The following LRRTM4 variants were observed in gnomAD, a reference collection of about 807,000 sequenced individuals.
LRRTM4 encodes leucine rich repeat transmembrane neuronal 4.
Under a neutral mutation model 47.6 loss-of-function variants are expected in LRRTM4, and 25 were observed. The ratio of observed to expected loss-of-function variants is 0.53; its 90% CI spans 0.38 to 0.73. The LOEUF is 0.73. Among genes scored for constraint, LRRTM4 ranks in the 30% least tolerant of loss-of-function variants. LRRTM4 has a pLI of 0.00. For synonymous variants in LRRTM4, 311 were observed against 269.5 expected (o/e 1.15, Z -1.51); for missense variants, 638 against 713.4 (o/e 0.89, Z 1.20).
intron 3 of LRRTM4, among the ~76,000 whole-genome samples, chr2:76,794,310 G>T (rs1462299266): frequency 6.6e-6 from 1 of 152,170 alleles, no homozygotes; most frequent in Non-Finnish European, 1.5e-5. Context: ...ATCTGCATTA[G>T]TATGAAAGGA....
intron 3 of LRRTM4, among the ~76,000 whole-genome samples, chr2:77,142,049 G>A (rs572325251): frequency 8.0e-4 from 122 of 152,302 alleles, no homozygotes; most frequent in Admixed American, 2.9e-3. Context: ...GTTACCAACA[G>A]ATTGCTTGTC....
At chr2:76,970,150 G>A (rs1676168523) in intron 3 of LRRTM4, among the ~76,000 whole-genome samples, 1 of 151,946 alleles carries the variant, frequency 6.6e-6, no homozygotes, top group Non-Finnish European at 1.5e-5. Flanking sequence ...TTCCTTCCAT[G>A]ATATGTAAAA....
intron 3 of LRRTM4, among the ~76,000 whole-genome samples, chr2:77,138,893 G>T (rs920529440): frequency 6.6e-6 from 1 of 152,074 alleles, no homozygotes; most frequent in Non-Finnish European, 1.5e-5. Context: ...TAAATTCCTG[G>T]ACACATATAT....
intron 3 of LRRTM4, among the ~76,000 whole-genome samples, chr2:77,030,585 A>G (rs1678618946): frequency 6.6e-6 from 1 of 152,198 alleles, no homozygotes; most frequent in East Asian, 1.9e-4. Context: ...AGAGGATGAA[A>G]AAGGAAAATA....
chr2:77,218,831 C>T (rs1573093687), intron 3 of LRRTM4, among the ~76,000 whole-genome samples: 2 of 152,158 alleles, frequency 1.3e-5, no homozygotes, highest in Non-Finnish European at 2.9e-5. Flanking sequence ...TAAATAAGTG[C>T]CAGACCCAGA....
At chr2:76,766,165 C>T (rs1005403679) in intron 3 of LRRTM4, among the ~76,000 whole-genome samples, 2 of 152,182 alleles carry the variant, frequency 1.3e-5, no homozygotes, top group African/African-American at 4.8e-5. Context: ...CATCTTCCTT[C>T]TTTCTCCATT....
intron 3 of LRRTM4, among the ~76,000 whole-genome samples, chr2:76,918,981 G>T (rs1674344216): frequency 6.6e-6 from 1 of 152,132 alleles, no homozygotes; most frequent in South Asian, 2.1e-4. Context: ...TGCAGCAAAA[G>T]GATATAGATT....
At chr2:76,841,505 A>C (rs1259030457) in intron 3 of LRRTM4, among the ~76,000 whole-genome samples, 1 of 152,066 alleles carries the variant, frequency 6.6e-6, no homozygotes, top group African/African-American at 2.4e-5. Flanking sequence ...TGTCTTTAAA[A>C]GTCCTTTGTT....
At chr2:76,807,655 G>C (rs908761063) in intron 3 of LRRTM4, among the ~76,000 whole-genome samples, 2 of 148,936 alleles carry the variant, frequency 1.3e-5, no homozygotes, top group African/African-American at 2.5e-5. Flanking sequence ...GCAACGGTGC[G>C]ATCTCAGCTC....
intron 3 of LRRTM4, among the ~76,000 whole-genome samples, chr2:76,866,136 C>G (rs1033782609): frequency 1.3e-5 from 2 of 152,186 alleles, no homozygotes; most frequent in East Asian, 1.9e-4. Context: ...TAGGATGATT[C>G]TCTTCCCACA....
At chr2:76,995,452 A>C (rs879633560) in intron 3 of LRRTM4, among the ~76,000 whole-genome samples, 22 of 152,000 alleles carry the variant, frequency 1.4e-4, no homozygotes, top group Non-Finnish European at 2.6e-4. Flanking sequence ...TCAGTGAACA[A>C]ATGTTGAACT....
chr2:77,125,351 A>T (rs903475268), intron 3 of LRRTM4, among the ~76,000 whole-genome samples: 1 of 152,198 alleles, frequency 6.6e-6, no homozygotes. Context: ...AAAGGTTTCC[A>T]TCACAGATAG....
At chr2:77,389,414 G>A (rs1049585466) in intron 3 of LRRTM4, among the ~76,000 whole-genome samples, 2 of 152,058 alleles carry the variant, frequency 1.3e-5, no homozygotes, top group African/African-American at 4.8e-5. Flanking sequence ...TTTGTGATAA[G>A]GTAGAACAGT....
intron 3 of LRRTM4, among the ~76,000 whole-genome samples, chr2:77,015,937 C>A (rs11889881): frequency 1.3e-5 from 2 of 151,416 alleles, no homozygotes; most frequent in Non-Finnish European, 2.9e-5. Flanking sequence ...GCCAACATAG[C>A]GAAACCCTGT....
chr2:76,891,295 T>C (rs1673246612), intron 3 of LRRTM4, among the ~76,000 whole-genome samples: 1 of 151,788 alleles, frequency 6.6e-6, no homozygotes, highest in South Asian at 2.1e-4. Flanking sequence ...AATCACCCGC[T>C]CCTCCTAAAA....
intron 3 of LRRTM4, among the ~76,000 whole-genome samples, chr2:77,359,409 T>C (rs1277974718): frequency 6.6e-6 from 1 of 152,184 alleles, no homozygotes; most frequent in African/African-American, 2.4e-5. Flanking sequence ...AGTTTGTCAT[T>C]CTATTTTTCA....
At position 76,909,723 on chromosome 2, in the gene LRRTM4, A is replaced by C. The variant is rs552459445; in HGVS notation, c.1552-160807T>G. On this transcript the variant is annotated intron_variant, in intron 3 of 3. Coordinates refer to ENST00000409884, the MANE Select transcript of LRRTM4 (RefSeq NM_001134745.3). Reference sequence around the variant, plus strand: ...ACTTCTCAAAAGAAGACATTTATGCAGCCAAAAAAACACATGAAAAAATGC... The same window carrying C: ...ACTTCTCAAAAGAAGACATTTATGCCGCCAAAAAAACACATGAAAAAATGC... 2.8e-4 allele frequency among the ~76,000 whole-genome samples: 42 copies of C among 152,332 alleles called. No homozygotes were observed. The South Asian group carries it at 8.3e-3, about 30-fold the overall frequency.
intron 3 of LRRTM4, among the ~76,000 whole-genome samples, chr2:77,362,613 G>T (rs993700720): frequency 6.6e-6 from 1 of 152,154 alleles, no homozygotes; most frequent in Non-Finnish European, 1.5e-5. Context: ...GTAATCTGGG[G>T]ACTGGTCCGA....
At chr2:77,118,672 G>A (rs1671450910) in intron 3 of LRRTM4, among the ~76,000 whole-genome samples, 2 of 151,984 alleles carry the variant, frequency 1.3e-5, no homozygotes, top group Middle Eastern at 3.4e-3. Flanking sequence ...GAGGAAAGCA[G>A]CAAGCCTTAG....
Sources: allele counts gnomAD v4.1 joint callset (sites outside exome capture counted in the v4.1 genomes callset), GRCh38; gene constraint gnomAD v4.1.1; transcripts MANE v1.5; gene names NCBI Gene and HGNC (gene_info 2026-07-23, HGNC 2026-07-21).